The following CTNNA2 variants were observed in gnomAD, a reference collection of about 807,000 sequenced individuals.
CTNNA2 encodes catenin alpha-2.
A neutral mutation model predicts 101.0 loss-of-function variants in CTNNA2; 42 were observed. The ratio of observed to expected loss-of-function variants is 0.42; its 90% CI spans 0.32 to 0.54. CTNNA2 has a LOEUF of 0.54. CTNNA2 is among the 20% of genes least tolerant of loss of function. The pLI is 0.14. For missense variants in CTNNA2, 871 were observed against 1,223.1 expected, an observed-to-expected ratio of 0.71 and a Z score of 4.29; for synonymous variants, 450 against 456.4, an observed-to-expected ratio of 0.99 and a Z score of 0.18.
chr2:80,525,061 G>A (rs1296360823), intron 9 of CTNNA2, among the ~76,000 whole-genome samples: 1 of 150,770 alleles, frequency 6.6e-6, no homozygotes. Flanking sequence ...TTTTTTTTTT[G>A]TATGACTTCC....
intron 7 of CTNNA2, among the ~76,000 whole-genome samples, chr2:80,272,987 G>A (rs1455716777): frequency 6.6e-6 from 1 of 152,122 alleles, no homozygotes; most frequent in East Asian, 1.9e-4. Context: ...GGGCGTGCGT[G>A]AAAGGTGGTT....
chr2:79,456,121 TTA>T (rs1227624726), intron 4 of CTNNA2, among the ~76,000 whole-genome samples: 1 of 151,108 alleles, frequency 6.6e-6, no homozygotes, highest in African/African-American at 2.4e-5. Flanking sequence ...CATCTTCAAA[TTA>T]GTTTAAATTA....
At chr2:79,342,682 G>T (rs1488223186) in intron 3 of CTNNA2, among the ~76,000 whole-genome samples, 1 of 152,184 alleles carries the variant, frequency 6.6e-6, no homozygotes, top group Non-Finnish European at 1.5e-5. Context: ...ACTTTATTAA[G>T]ATTGGTTTAT....
chr2:79,344,849 TATATATATA>T (rs1213058852), intron 3 of CTNNA2, among the ~76,000 whole-genome samples: 33 of 145,194 alleles, frequency 2.3e-4, no homozygotes, highest in Admixed American at 7.7e-4. Flanking sequence ...ATACAAATAT[TATATATATA>T]ATATATTATA....
chr2:80,364,929 G>T (rs933237272), intron 7 of CTNNA2, among the ~76,000 whole-genome samples: 1 of 152,120 alleles, frequency 6.6e-6, no homozygotes, highest in Non-Finnish European at 1.5e-5. Context: ...TCGGGTTTAT[G>T]ATTAGTGATG....
intron 2 of CTNNA2, among the ~76,000 whole-genome samples, chr2:79,671,633 T>G (rs1682846490): frequency 6.6e-6 from 1 of 152,180 alleles, no homozygotes; most frequent in Admixed American, 6.5e-5. Flanking sequence ...GAGAAACAAA[T>G]GACATAATGC....
At chr2:80,532,207 C>A (rs10182946) in intron 9 of CTNNA2, among the ~76,000 whole-genome samples, 3 of 152,186 alleles carry the variant, frequency 2.0e-5, no homozygotes, top group African/African-American at 7.2e-5. Flanking sequence ...GTAGTCCCCC[C>A]TTATCCATAG....
At chr2:79,496,073 T>C (rs1671252966) in intron 4 of CTNNA2, among the ~76,000 whole-genome samples, 1 of 152,108 alleles carries the variant, frequency 6.6e-6, no homozygotes, top group Non-Finnish European at 1.5e-5. Context: ...AAATAGATAG[T>C]GGTGATAGTT....
chr2:79,710,536 C>T (rs12615082), intron 2 of CTNNA2, among the ~76,000 whole-genome samples: 49,883 of 151,926 alleles, frequency 0.33, 9,845 homozygotes, highest in East Asian at 0.6. Context: ...GAGAGTGTTT[C>T]GAGTGGTGGG....
At chr2:80,121,645 T>C (rs752024743) in intron 7 of CTNNA2, among the ~76,000 whole-genome samples, 12 of 152,130 alleles carry the variant, frequency 7.9e-5, no homozygotes, top group Non-Finnish European at 1.3e-4. Context: ...TTGTGGGAAA[T>C]GGCAAAAGTA....
chr2:79,705,123 C>T (rs189321656), intron 2 of CTNNA2, among the ~76,000 whole-genome samples: 15 of 152,196 alleles, frequency 9.9e-5, no homozygotes, highest in South Asian at 4.2e-4. Flanking sequence ...ATGCGCTGGA[C>T]GGTTCCACTC....
rs141512754 is a variant in CTNNA2 at position 80,271,723 on chromosome 2, A to C, written c.1057-121488A>C. ...AGGTGTGAGCCACCGTGCCCAGCCT[A>C]TCCTCAGTCTTACTGTACTTTTTCA... On this transcript the variant is annotated intron_variant, in intron 7 of 18. Transcript: ENST00000402739. Among the ~76,000 whole-genome samples, 43 of 152,264 alleles carry C rather than the reference A, an allele frequency of 2.8e-4. No homozygotes were observed. In the East Asian group the frequency reaches 7.5e-3, roughly 27 times the overall value.
intron 2 of CTNNA2, among the ~76,000 whole-genome samples, chr2:79,733,855 T>C (rs1687353701): frequency 6.6e-6 from 1 of 152,084 alleles, no homozygotes; most frequent in South Asian, 2.1e-4. Flanking sequence ...AAACCTCGTG[T>C]TCATGTCAAT....
chr2:80,549,986 A>G (rs1692426927), intron 11 of CTNNA2, among the ~76,000 whole-genome samples: 1 of 152,204 alleles, frequency 6.6e-6, no homozygotes, highest in African/African-American at 2.4e-5. Context: ...AAAAATCCAT[A>G]TATACACCAA....
chr2:79,992,664 A>C (rs17018368), intron 7 of CTNNA2, among the ~76,000 whole-genome samples: 2,312 of 152,246 alleles, frequency 0.015, 39 homozygotes, highest in African/African-American at 0.052. Context: ...TAGTTGTCGA[A>C]ATTTTGCTTT....
intron 3 of CTNNA2, among the ~76,000 whole-genome samples, chr2:79,826,860 A>G (rs1281950386): frequency 6.6e-6 from 1 of 152,184 alleles, no homozygotes; most frequent in African/African-American, 2.4e-5. Context: ...TAATTCAATG[A>G]AAGAAGATAA....
At chr2:79,842,294 G>A (rs1438123850) in intron 3 of CTNNA2, among the ~76,000 whole-genome samples, 2 of 152,118 alleles carry the variant, frequency 1.3e-5, no homozygotes, top group Admixed American at 1.3e-4. Flanking sequence ...ATTACCTAAT[G>A]TTTTTTAGCC....
chr2:80,130,356 A>C (rs1702349517), intron 7 of CTNNA2, among the ~76,000 whole-genome samples: 1 of 152,226 alleles, frequency 6.6e-6, no homozygotes. Flanking sequence ...CATTCAAGGT[A>C]ATTCCCATTA....
At chr2:79,515,473 G>A (rs1207536320) in intron 1 of CTNNA2, among the ~76,000 whole-genome samples, 1 of 152,128 alleles carries the variant, frequency 6.6e-6, no homozygotes, top group Non-Finnish European at 1.5e-5. Context: ...TTTCTTTGTT[G>A]CAGTTTTTCT....
Sources: allele counts gnomAD v4.1 joint callset (sites outside exome capture counted in the v4.1 genomes callset), GRCh38; gene constraint gnomAD v4.1.1; transcripts MANE v1.5; gene names NCBI Gene and HGNC (gene_info 2026-07-23, HGNC 2026-07-21).